The following TNRC6A variants were observed in gnomAD, a reference collection of about 807,000 sequenced individuals.
TNRC6A encodes trinucleotide repeat containing adaptor 6A, also known as trinucleotide repeat-containing gene 6A protein.
TNRC6A carries 44 observed loss-of-function variants against 221.2 expected under a neutral mutation model. That is an observed-to-expected ratio of 0.20 (90% confidence interval 0.16 to 0.26). The LOEUF (loss-of-function observed/expected upper bound fraction) is 0.26, where lower values mean the gene tolerates loss of function less well. Among genes scored for constraint, TNRC6A ranks in the 10% least tolerant of loss-of-function variants. The probability of loss-of-function intolerance (pLI) is 1.00; values close to 1 mark genes in which losing one functional copy is unlikely to be tolerated. For missense variants in TNRC6A, 2,199 were observed against 2,404.4 expected (o/e 0.91, Z 1.79); for synonymous variants, 847 against 838.5 (o/e 1.01, Z -0.18).
chr16:24,645,597 G>C (rs1477370473), intron 2 of TNRC6A, among the ~76,000 whole-genome samples: 1 of 151,862 alleles, frequency 6.6e-6, no homozygotes. Flanking sequence ...AAAGGATGCT[G>C]TATAAATTGA....
chr16:24,799,215 G>A (rs1471327846), intron 11 of TNRC6A, among the ~76,000 whole-genome samples: 3 of 152,024 alleles, frequency 2.0e-5, no homozygotes, highest in Admixed American at 6.5e-5. Flanking sequence ...GCTAGCTGGC[G>A]AAGGAAAAAA....
At chr16:24,784,028 G>A (rs964166460) in intron 5 of TNRC6A, among the ~76,000 whole-genome samples, 1 of 152,080 alleles carries the variant, frequency 6.6e-6, no homozygotes, top group African/African-American at 2.4e-5. Flanking sequence ...ATGGAGTTTC[G>A]CTCTTACATA....
chr16:24,618,274 A>G (rs1900478900), intron 1 of TNRC6A, among the ~76,000 whole-genome samples: 1 of 152,176 alleles, frequency 6.6e-6, no homozygotes, highest in Non-Finnish European at 1.5e-5. Context: ...GTAATTACAG[A>G]AAACATCAAT....
intron 5 of TNRC6A, among the ~76,000 whole-genome samples, chr16:24,787,270 G>C (rs916292411): frequency 6.6e-6 from 1 of 152,136 alleles, no homozygotes; most frequent in African/African-American, 2.4e-5. Flanking sequence ...GTCCAGACTT[G>C]AATCTTGGTG....
At chr16:24,794,087 T>G (rs1567488593) in intron 7 of TNRC6A, among the ~76,000 whole-genome samples, 1 of 152,188 alleles carries the variant, frequency 6.6e-6, no homozygotes, top group East Asian at 1.9e-4. Context: ...TCCCATAGGC[T>G]GTGTACAAGA....
chr16:24,632,144 C>T (rs1359897006), intron 1 of TNRC6A, among the ~76,000 whole-genome samples: 1 of 152,148 alleles, frequency 6.6e-6, no homozygotes, highest in Non-Finnish European at 1.5e-5. Context: ...AGCCACCACG[C>T]CCAGGCTCTT....
chr16:24,624,257 C>T (rs1288256653), intron 1 of TNRC6A, among the ~76,000 whole-genome samples: 1 of 152,160 alleles, frequency 6.6e-6, no homozygotes, highest in Non-Finnish European at 1.5e-5. Flanking sequence ...TCTCTGCTCT[C>T]GTCACATTTG....
intron 2 of TNRC6A, among the ~76,000 whole-genome samples, chr16:24,675,700 CTCTATATATATATA>C (rs1280478429): frequency 9.3e-4 from 51 of 54,876 alleles, no homozygotes; most frequent in East Asian, 2.8e-3. Context: ...CTCTCTCTCT[CTCTATATATATATA>C]TATATATATA....
chr16:24,696,729 A>AAAGAAG, intron 2 of TNRC6A, among the ~76,000 whole-genome samples: 2 of 25,158 alleles, frequency 7.9e-5, no homozygotes, highest in African/African-American at 5.7e-4. Context: ...ACCCTGTCTC[A>AAAGAAG]AAAAAAAAAA....
chr16:24,616,020 C>T (rs1363146921), intron 1 of TNRC6A, among the ~76,000 whole-genome samples: 1 of 151,962 alleles, frequency 6.6e-6, no homozygotes, highest in Admixed American at 6.6e-5. Context: ...GAGCAAGACC[C>T]TATCTCTAAA....
chr16:24,636,533 G>C (rs1160855106), intron 1 of TNRC6A, among the ~76,000 whole-genome samples: 1 of 151,998 alleles, frequency 6.6e-6, no homozygotes, highest in South Asian at 2.1e-4. Flanking sequence ...ACTGCGCCTG[G>C]TTTATTTTTT....
chr16:24,777,268 A>C lies in TNRC6A; in HGVS notation c.499A>C (p.Lys167Gln). The C allele has an allele frequency of 6.2e-7, 1 of 1,614,228 alleles. No homozygotes were observed. Among genetic ancestry groups the C allele is most frequent in the Non-Finnish European group, 8.5e-7 (1 of 1,180,044 alleles). Residue 167 changes from lysine (K) to glutamine (Q), a missense_variant, in exon 5 of 25, where the codon AAG becomes CAG. Physicochemically the swap from Lys to Gln is moderately conservative, Grantham distance 53. Around this residue, in one of 8 missense-constraint regions of TNRC6A, gnomAD observed 1,405 missense variants for 1,400.2 expected, o/e 1.00. Transcript: ENST00000395799. ...AGCAGCAAACCTTGGATCTGCTGTT[A>C]AGGTGTTAAACAGCCAGTCAGAAAG... is the stretch of plus-strand genomic sequence containing the variant. ...VIAANLGSAV[K>Q]VLNSQSESSA...
intron 1 of TNRC6A, among the ~76,000 whole-genome samples, chr16:24,623,060 G>A (rs547247452): frequency 3.9e-5 from 6 of 152,188 alleles, no homozygotes; most frequent in South Asian, 2.1e-4. Context: ...CAGAGGAACC[G>A]CTGTGCGTAC....
intron 2 of TNRC6A, among the ~76,000 whole-genome samples, chr16:24,708,652 C>T (rs1174265569): frequency 2.0e-5 from 3 of 152,064 alleles, no homozygotes; most frequent in Non-Finnish European, 2.9e-5. Flanking sequence ...ACCCACCTTC[C>T]AACCTCCCCC....
intron 2 of TNRC6A, among the ~76,000 whole-genome samples, chr16:24,706,388 A>G (rs1169770657): frequency 3.3e-5 from 5 of 152,174 alleles, no homozygotes; most frequent in African/African-American, 1.2e-4. Flanking sequence ...GTATTGAAGC[A>G]CATTATAAAG....
At chr16:24,800,290 G>A (rs796120486) in intron 11 of TNRC6A, among the ~76,000 whole-genome samples, 1 of 152,146 alleles carries the variant, frequency 6.6e-6, no homozygotes, top group Non-Finnish European at 1.5e-5. Flanking sequence ...GACACATACC[G>A]CATCCTCCTA....
chr16:24,804,900 G>A, intron 13 of TNRC6A, 49 bp downstream of exon 13: 1 of 1,613,480 alleles, frequency 6.2e-7, no homozygotes, highest in Non-Finnish European at 8.5e-7. Flanking sequence ...ATTTGTATTA[G>A]TAATAAGATC....
At position 24,729,715 on chromosome 16, in the gene TNRC6A, CGG is replaced by C; in HGVS notation, c.-126_-125del. ...GCGGCGGCGGCGGCGGCGGCGGCGG[CGG>C]CAGCGGGTCGGTGTAGAAAATGGCG... is the stretch of plus-strand genomic sequence containing the variant. On this transcript the variant is annotated 5_prime_UTR_variant, in exon 1 of 25. Transcript: ENST00000395799. 8.9e-7 allele frequency: 1 copy of C among 1,128,210 alleles called. No individual in the cohort carries two copies. The highest frequency in any genetic ancestry group is 1.1e-6 in the Non-Finnish European group (1 of 877,652). 69.9% of individuals were successfully genotyped at this position (1,128,210 alleles called of 1,614,324 possible).
At chr16:24,741,263 T>C (rs1220645582) in intron 2 of TNRC6A, among the ~76,000 whole-genome samples, 2 of 152,202 alleles carry the variant, frequency 1.3e-5, no homozygotes, top group Non-Finnish European at 2.9e-5. Context: ...TCTTTATCAT[T>C]ATGTATGTTG....
Sources: gnomAD v4.1 joint callset for allele counts (sites outside exome capture counted in the v4.1 genomes callset) on GRCh38, gnomAD v4.1.1 for gene constraint, gnomAD v4.1.1 regional missense constraint, MANE v1.5 for transcripts, NCBI Gene and HGNC (gene_info 2026-07-23, HGNC 2026-07-21) for gene names.